The following HAUS3 variants were observed in gnomAD, a reference collection of about 807,000 sequenced individuals.
The protein encoded by HAUS3 is HAUS augmin like complex subunit 3, also known as HAUS augmin-like complex subunit 3.
A neutral mutation model predicts 55.2 loss-of-function variants in HAUS3; 36 were observed. The observed-to-expected ratio is 0.65, with a 90% CI of 0.50 to 0.86. The LOEUF (loss-of-function observed/expected upper bound fraction) is 0.86, where lower values mean the gene tolerates loss of function less well. HAUS3 is among the 40% of genes least tolerant of loss of function. The pLI, the probability that HAUS3 is intolerant of heterozygous loss-of-function variation, is 0.00. For synonymous variants in HAUS3, 234 were observed against 238.6 expected, an observed-to-expected ratio of 0.98 and a Z score of 0.18; for missense variants, 752 against 671.5, an observed-to-expected ratio of 1.12 and a Z score of -1.33.
chr4:2,240,207 G>A lies in HAUS3; in HGVS notation c.740C>T (p.Ser247Phe). The A allele has an allele frequency of 1.2e-6, 2 of 1,613,952 alleles. No homozygotes were observed. The highest frequency in any genetic ancestry group is 4.5e-5 in the East Asian group (2 of 44,874). ...NFQLLDIQTP[S>F]ICDNQEILEE... ...AAGGATTTCTTGATTATCACAAATA[G>A]ATGGTGTCTGTATATCTAAAAGTTG... is the stretch of plus-strand genomic sequence containing the variant. Residue 247 changes from serine (S) to phenylalanine (F), a missense_variant, in exon 3 of 6, where the codon TCT becomes TTT. Ser to Phe is a radical substitution (Grantham distance 155, BLOSUM62 -2). Coordinates refer to ENST00000443786, the MANE Select transcript of HAUS3 (RefSeq NM_001303143.2).
At chr4:2,239,956 T>A in intron 3 of HAUS3, 82 bp downstream of exon 3, 1 of 1,062,338 alleles carries the variant, frequency 9.4e-7, no homozygotes, top group Non-Finnish European at 1.4e-6. Context: ...TGCACCATTC[T>A]AAAGTACTTT....
chr4:2,236,825 T>C (rs1317531461), intron 4 of HAUS3, among the ~76,000 whole-genome samples: 3 of 151,626 alleles, frequency 2.0e-5, no homozygotes, highest in African/African-American at 7.3e-5. Flanking sequence ...ATTGCGCCAC[T>C]GCACTCCAGC....
Position 2,232,102 on chromosome 4 carries a change from A to T in HAUS3, c.1637T>A (p.Leu546His). 6.2e-7 allele frequency: 1 copy of T among 1,602,166 alleles called. No individual in the cohort carries two copies. Among genetic ancestry groups the T allele is most frequent in the Non-Finnish European group, 8.5e-7 (1 of 1,175,330 alleles). Reference sequence around the variant, plus strand: ...CTTCACATCAGCAAGAATATCAGTGAGGAGATGATTTAGCTTATTCAGTTG... The same window carrying T: ...CTTCACATCAGCAAGAATATCAGTGTGGAGATGATTTAGCTTATTCAGTTG... ...ESQLNKLNHL[L>H]TDILADVKTK... Residue 546 changes from leucine (L) to histidine (H), a missense_variant, in exon 6 of 6, where the codon CTC (leucine) becomes CAC (histidine). Transcript: ENST00000443786.
chr4:2,235,787 T>C (rs973383059), intron 5 of HAUS3, among the ~76,000 whole-genome samples: 2 of 152,144 alleles, frequency 1.3e-5, no homozygotes, highest in African/African-American at 2.4e-5. Context: ...AATAAAACTA[T>C]ACATAAAAGC....
Position 2,231,843 on chromosome 4 carries a change from T to A in HAUS3, c.*84A>T. On this transcript the variant is annotated 3_prime_UTR_variant, in exon 6 of 6. Coordinates refer to ENST00000443786, the MANE Select transcript of HAUS3 (RefSeq NM_001303143.2). ...TTAAATGTTCCATTGACCTCAAATT[T>A]TAAAAATTTAGTAGTGTTTATTATA... 1 of 650,654 alleles carries A rather than the reference T, an allele frequency of 1.5e-6. No homozygotes were observed. The highest frequency in any genetic ancestry group is 1.9e-5 in the South Asian group (1 of 52,662). 40.3% of individuals were successfully genotyped at this position (650,654 alleles called of 1,614,324 possible). A position where few individuals can be genotyped will look rare whatever the true frequency, so the allele number is the denominator to read the frequency against.
chr4:2,242,106 C>A lies in HAUS3; in HGVS notation c.-474G>T, dbSNP rs1050180272. ...GCCCGCCGCCACCGCCCTCCGTGCC[C>A]CGCGCGCCTCGCACTGCCTCACGGG... is the stretch of plus-strand genomic sequence containing the variant. On this transcript the variant is annotated 5_prime_UTR_variant, in exon 1 of 6. Coordinates refer to ENST00000443786, the MANE Select transcript of HAUS3 (RefSeq NM_001303143.2). The A allele has an allele frequency of 2.0e-6, 2 of 985,794 alleles. No homozygotes were observed. Among genetic ancestry groups the A allele is most frequent in the Non-Finnish European group, 2.4e-6 (2 of 830,276 alleles). 61.1% of individuals were successfully genotyped at this position (985,794 alleles called of 1,614,324 possible). A position where few individuals can be genotyped will look rare whatever the true frequency, so the allele number is the denominator to read the frequency against.
At position 2,238,900 on chromosome 4, in the gene HAUS3, C is replaced by T. The variant is rs765867999; in HGVS notation, c.1053G>A (p.Val351=). ...TCTGCAGATCAAAATCTCCCTTTACCACTGGCATATTCAATAACTGGGCAT... is the reference window on the plus strand; with the variant it reads ...TCTGCAGATCAAAATCTCCCTTTACTACTGGCATATTCAATAACTGGGCAT... ...RENAQLLNMP[V]VKGDFDLQIA... is the part of the protein sequence containing the mutation. The change falls in exon 4 of 6, where the codon GTG becomes GTA. Residue 351 remains valine (V), a synonymous_variant. Coordinates refer to ENST00000443786, the MANE Select transcript of HAUS3 (RefSeq NM_001303143.2). 22 of 1,612,916 alleles carry T rather than the reference C, an allele frequency of 1.4e-5. No homozygotes were observed. The South Asian group carries it at 2.1e-4, about 15-fold the overall frequency.
chr4:2,236,460 A>T lies in HAUS3; in HGVS notation c.1350-4T>A. The stretch of plus-strand genomic sequence containing the variant: ...TCCCTCCAAAACTTGGTAAAGCCTG[A>T]AATGTAAAAATTAAAATTATAGGGA... On this transcript the variant is annotated splice_polypyrimidine_tract_variant and splice_region_variant and intron_variant, in intron 4 of 5. Coordinates refer to ENST00000443786, the MANE Select transcript of HAUS3 (RefSeq NM_001303143.2). 6.3e-7 allele frequency: 1 copy of T among 1,579,430 alleles called. No homozygotes were observed. The highest frequency in any genetic ancestry group is 8.7e-7 in the Non-Finnish European group (1 of 1,151,296).
chr4:2,236,315 A>C lies in HAUS3; in HGVS notation c.1491T>G (p.Ser497=), dbSNP rs1734762666. 5 of 1,613,808 alleles carry C rather than the reference A, an allele frequency of 3.1e-6. No individual in the cohort carries two copies. Among genetic ancestry groups the C allele is most frequent in the Non-Finnish European group, 3.4e-6 (4 of 1,179,782 alleles). Residue 497 remains serine (S), a synonymous_variant, in exon 5 of 6, where the codon TCT becomes TCG. Transcript: ENST00000443786. ...DQLAVSAQEH[S]FFLSKRNKDV... Reference sequence around the variant, plus strand: ...CCTTATTCCGTTTGGACAGAAAGAAAGAATGTTCTTGAGCAGATACTGCCA... The same window carrying C: ...CCTTATTCCGTTTGGACAGAAAGAACGAATGTTCTTGAGCAGATACTGCCA...
rs562254287 is a variant in HAUS3, at chr4:2,231,839, A to G, written c.*88T>C. 411 of 644,860 alleles carry G rather than the reference A, an allele frequency of 6.4e-4. 3 individuals are homozygous for G. Among genetic ancestry groups the G allele is most frequent in the South Asian group, 6.0e-3 (314 of 52,380 alleles). The allele number at this position is 644,860 out of a possible 1,614,324, so 39.9% of individuals were successfully genotyped here. On this transcript the variant is annotated 3_prime_UTR_variant, in exon 6 of 6. Coordinates refer to ENST00000443786, the MANE Select transcript of HAUS3 (RefSeq NM_001303143.2). ...CAAATTAAATGTTCCATTGACCTCA[A>G]ATTTTAAAAATTTAGTAGTGTTTAT...
At position 2,241,598 on chromosome 4, in the gene HAUS3, C is replaced by G. The variant is rs1010541257; in HGVS notation, c.-226G>C. The G allele has an allele frequency of 2.0e-6, 2 of 985,646 alleles. No homozygotes were observed. The highest frequency in any genetic ancestry group is 9.4e-5 in the South Asian group (2 of 21,294). The allele number at this position is 985,646 out of a possible 1,614,324, so 61.1% of individuals were successfully genotyped here. On this transcript the variant is annotated 5_prime_UTR_variant, in exon 2 of 6. Coordinates refer to ENST00000443786, the MANE Select transcript of HAUS3 (RefSeq NM_001303143.2). ...GAGAACAGCAGGAGCAGCAGGGAAG[C>G]GCGCGGCCACAATTAAGGGTGCTTC...
In HAUS3 at chr4:2,229,470, T is replaced by C. The variant is rs1204113497; in HGVS notation, c.*2457A>G. The C allele has an allele frequency of 1.8e-5, 6 of 340,386 alleles. No homozygotes were observed. Among genetic ancestry groups the C allele is most frequent in the East Asian group, 1.6e-4 (3 of 18,924 alleles). The allele number at this position is 340,386 out of a possible 1,614,324, so 21.1% of individuals were successfully genotyped here. A position where few individuals can be genotyped will look rare whatever the true frequency, so the allele number is the denominator to read the frequency against. ...CATAGTAAATAGATAACTTATTTTC[T>C]AGGTGACCAATTTAGAAGCAATCTA... On this transcript the variant is annotated 3_prime_UTR_variant, in exon 6 of 6. Coordinates refer to ENST00000443786, the MANE Select transcript of HAUS3 (RefSeq NM_001303143.2).
intron 5 of HAUS3, among the ~76,000 whole-genome samples, chr4:2,232,446 C>T (rs1356676745): frequency 1.3e-5 from 2 of 152,156 alleles, no homozygotes; most frequent in African/African-American, 4.8e-5. Flanking sequence ...TCAACAAATG[C>T]TATTGTGCCA....
rs1248337518 is a variant in HAUS3 at position 2,229,498 on chromosome 4, C to CA, written c.*2428dup. ...GTGACCAATTTAGAAGCAATCTACT[C>CA]AAATACATCCTGAGGTTTGAAAAAT... is the stretch of plus-strand genomic sequence containing the variant. On this transcript the variant is annotated 3_prime_UTR_variant, in exon 6 of 6. Coordinates refer to ENST00000443786, the MANE Select transcript of HAUS3 (RefSeq NM_001303143.2). 1.1e-5 allele frequency: 3 copies of CA among 284,678 alleles called. No homozygotes were observed. Among genetic ancestry groups the CA allele is most frequent in the African/African-American group, 6.7e-5 (3 of 45,066 alleles). The allele number at this position is 284,678 out of a possible 1,614,324, so 17.6% of individuals were successfully genotyped here.
chr4:2,239,626 T>C (rs1254450694), intron 3 of HAUS3, among the ~76,000 whole-genome samples: 1 of 152,188 alleles, frequency 6.6e-6, no homozygotes, highest in African/African-American at 2.4e-5. Context: ...TCAGTTTCAG[T>C]CTACTGAACC....
intron 1 of HAUS3, 97 bp downstream of exon 1, chr4:2,241,954 G>T: frequency 3.0e-6 from 3 of 985,524 alleles, no homozygotes; most frequent in Non-Finnish European, 3.6e-6. Flanking sequence ...CCCCAGGAGC[G>T]CAGGAAAAAA....
Position 2,231,054 on chromosome 4 carries a change from G to A in HAUS3, c.*873C>T, listed in dbSNP as rs1320435963. On this transcript the variant is annotated 3_prime_UTR_variant, in exon 6 of 6. Coordinates refer to ENST00000443786, the MANE Select transcript of HAUS3 (RefSeq NM_001303143.2). ...ATTAAAGTCAAAGCACTGCTCAGCT[G>A]TCTTGTAGAAACTTTTGAGTCCCCA... The A allele has an allele frequency of 1.3e-5, 2 of 152,194 alleles. No individual in the cohort carries two copies. Among genetic ancestry groups the A allele is most frequent in the Non-Finnish European group, 2.9e-5 (2 of 68,038 alleles). The allele number at this position is 152,194 out of a possible 1,614,324, so 9.4% of individuals were successfully genotyped here.
At chr4:2,236,168 T>A in intron 5 of HAUS3, 60 bp downstream of exon 5, 1 of 976,942 alleles carries the variant, frequency 1.0e-6, no homozygotes, top group Non-Finnish European at 1.6e-6. Flanking sequence ...TTTTCTTTAA[T>A]ATCTTTTACA....
chr4:2,239,248 A>G (rs1734883453), intron 3 of HAUS3, among the ~76,000 whole-genome samples: 1 of 152,212 alleles, frequency 6.6e-6, no homozygotes, highest in Admixed American at 6.5e-5. Flanking sequence ...TTTTACTGCT[A>G]TTACTACCAT....
Sources: gnomAD v4.1 joint callset for allele counts (sites outside exome capture counted in the v4.1 genomes callset) on GRCh38, gnomAD v4.1.1 for gene constraint, MANE v1.5 for transcripts, NCBI Gene and HGNC (gene_info 2026-07-23, HGNC 2026-07-21) for gene names.